ZFHX3: variants seen among roughly 807,000 people sequenced by gnomAD.
ZFHX3 encodes the protein zinc finger homeobox protein 3.
In ZFHX3, 42 loss-of-function variants were observed where a neutral mutation model predicts 279.1. That is an observed-to-expected ratio of 0.15 (90% confidence interval 0.12 to 0.19). The LOEUF (loss-of-function observed/expected upper bound fraction) is 0.19, where lower values mean the gene tolerates loss of function less well. Among genes scored for constraint, ZFHX3 ranks in the 10% least tolerant of loss-of-function variants. The pLI, the probability that ZFHX3 is intolerant of heterozygous loss-of-function variation, is 1.00. For missense variants in ZFHX3, 4,981 were observed against 4,754.0 expected (o/e 1.05, Z -1.40); for synonymous variants, 2,293 against 1,957.8 (o/e 1.17, Z -4.52).
intron 5 of ZFHX3, among the ~76,000 whole-genome samples, chr16:73,200,069 G>A (rs925072299): frequency 6.6e-6 from 1 of 152,202 alleles, no homozygotes; most frequent in East Asian, 1.9e-4. Flanking sequence ...AAAGGAAAAT[G>A]TCAGCATGAT....
chr16:73,663,873 C>T (rs532493396), intron 2 of ZFHX3, among the ~76,000 whole-genome samples: 4 of 152,292 alleles, frequency 2.6e-5, no homozygotes, highest in African/African-American at 9.6e-5. Flanking sequence ...CAATTAACCT[C>T]TATGTTCTGT....
rs531662558 is a variant in ZFHX3, at chr16:72,882,153, C to G, written c.3448+7578G>C. On this transcript the variant is annotated intron_variant, in intron 4 of 9. Coordinates refer to ENST00000268489, the MANE Select transcript of ZFHX3 (RefSeq NM_006885.4). ...TGTCTCTCCTAATTCCAGGAACCAT[C>G]AGCAGGTACCCCTTTTTCCTTTTTT... is the stretch of plus-strand genomic sequence containing the variant. Among the ~76,000 whole-genome samples, 8 of 148,616 alleles carry G rather than the reference C, an allele frequency of 5.4e-5. No individual in the cohort carries two copies. In the South Asian group the frequency reaches 1.1e-3, roughly 20 times the overall value.
At chr16:73,511,676 T>C (rs527545008) in intron 2 of ZFHX3, among the ~76,000 whole-genome samples, 1 of 152,244 alleles carries the variant, frequency 6.6e-6, no homozygotes, top group East Asian at 1.9e-4. Context: ...AGGCCTTCAT[T>C]TCCAACATGG....
intron 5 of ZFHX3, among the ~76,000 whole-genome samples, chr16:73,147,863 T>C (rs1029127717): frequency 1.3e-5 from 2 of 151,934 alleles, no homozygotes; most frequent in Admixed American, 1.3e-4. Context: ...CAGAGCGAGA[T>C]CCTCTCCCAA....
intron 2 of ZFHX3, among the ~76,000 whole-genome samples, chr16:73,521,451 T>C (rs1325270075): frequency 6.6e-6 from 1 of 152,184 alleles, no homozygotes; most frequent in African/African-American, 2.4e-5. Context: ...ATAGTACTGG[T>C]AATCTCTCAC....
At chr16:72,851,233 C>T (rs2037609723) in intron 4 of ZFHX3, among the ~76,000 whole-genome samples, 1 of 152,068 alleles carries the variant, frequency 6.6e-6, no homozygotes, top group African/African-American at 2.4e-5. Flanking sequence ...CAACAGATAC[C>T]AGGAAGAAGA....
intron 8 of ZFHX3, among the ~76,000 whole-genome samples, chr16:73,082,890 A>C (rs916954236): frequency 1.2e-4 from 19 of 152,146 alleles, no homozygotes; most frequent in Non-Finnish European, 4.4e-5. Flanking sequence ...AAAACAAAAC[A>C]AAACAAAACC....
intron 4 of ZFHX3, among the ~76,000 whole-genome samples, chr16:73,261,140 A>T (rs1238968886): frequency 6.6e-6 from 1 of 152,192 alleles, no homozygotes; most frequent in Non-Finnish European, 1.5e-5. Flanking sequence ...TATTAATAGG[A>T]GACTGGTTCT....
chr16:72,958,053 C>G lies in ZFHX3; in HGVS notation c.2093G>C (p.Gly698Ala), dbSNP rs1342065431. The G allele has an allele frequency of 1.9e-6, 3 of 1,613,666 alleles. No individual in the cohort carries two copies. Among genetic ancestry groups the G allele is most frequent in the Middle Eastern group, 1.6e-4 (1 of 6,084 alleles). ...GCTTTTGCAGTAGACACAGGAGCCCCCCGGCTCCGGGTGCTTCTCCTTCAT... is the reference window on the plus strand; with the variant it reads ...GCTTTTGCAGTAGACACAGGAGCCCGCCGGCTCCGGGTGCTTCTCCTTCAT... Reference protein sequence around the residue: ...AHMKEKHPEPGGSCVYCKSGQ... With the variant: ...AHMKEKHPEPAGSCVYCKSGQ... The change falls in exon 2 of 10, where the codon GGG becomes GCG. Residue 698 changes from glycine (G) to alanine (A), a missense_variant. This residue lies in a region of ZFHX3 where 1,068 missense variants were observed against 935.2 expected (regional missense o/e 1.14). Transcript: ENST00000268489.
chr16:72,930,361 A>C (rs1959718086), intron 3 of ZFHX3, among the ~76,000 whole-genome samples: 1 of 152,212 alleles, frequency 6.6e-6, no homozygotes, highest in South Asian at 2.1e-4. Flanking sequence ...TGCACCTAAA[A>C]ATCTTTGCCA....
At chr16:72,997,312 G>T (rs1475604245) in intron 1 of ZFHX3, among the ~76,000 whole-genome samples, 1 of 152,094 alleles carries the variant, frequency 6.6e-6, no homozygotes, top group African/African-American at 2.4e-5. Flanking sequence ...GATTCTGAGG[G>T]TCCAGACGTC....
chr16:73,247,024 G>A (rs896483422), intron 5 of ZFHX3, among the ~76,000 whole-genome samples: 6 of 152,148 alleles, frequency 3.9e-5, no homozygotes, highest in Non-Finnish European at 7.4e-5. Context: ...ATGCGTGTGT[G>A]TATATAATGT....
At chr16:72,966,993 T>C (rs1156394052) in intron 1 of ZFHX3, among the ~76,000 whole-genome samples, 1 of 152,192 alleles carries the variant, frequency 6.6e-6, no homozygotes, top group Non-Finnish European at 1.5e-5. Flanking sequence ...ATTCTTCTCA[T>C]TCCTGGGTGT....
At chr16:73,168,518 A>G (rs1967446202) in intron 5 of ZFHX3, among the ~76,000 whole-genome samples, 1 of 152,048 alleles carries the variant, frequency 6.6e-6, no homozygotes, top group Non-Finnish European at 1.5e-5. Flanking sequence ...AGCCTCCCGT[A>G]GTGCTGGGAT....
intron 4 of ZFHX3, among the ~76,000 whole-genome samples, chr16:73,275,949 C>T (rs1290936239): frequency 6.6e-6 from 1 of 152,052 alleles, no homozygotes; most frequent in Non-Finnish European, 1.5e-5. Context: ...CTTTGCTCCA[C>T]ACCTAACTCG....
At chr16:73,670,540 A>G (rs2052894444) in intron 2 of ZFHX3, among the ~76,000 whole-genome samples, 1 of 152,238 alleles carries the variant, frequency 6.6e-6, no homozygotes, top group Non-Finnish European at 1.5e-5. Context: ...TCCCAAAAGT[A>G]GAAATGTAGC....
chr16:73,426,091 G>A (rs573225745), intron 3 of ZFHX3, among the ~76,000 whole-genome samples: 5 of 152,150 alleles, frequency 3.3e-5, no homozygotes, highest in Non-Finnish European at 5.9e-5. Flanking sequence ...GTACTAACTG[G>A]TGAGTCCCAG....
rs112125776 is a variant in ZFHX3, at chr16:73,307,351, G to C, written c.-1194+10889C>G. Among the ~76,000 whole-genome samples the C allele has an allele frequency of 2.6e-3, 391 of 152,344 alleles. 3 individuals are homozygous for C. Among genetic ancestry groups the C allele is most frequent in the African/African-American group, 8.6e-3 (359 of 41,576 alleles). On this transcript the variant is annotated intron_variant, in intron 4 of 17. Coordinates refer to the ZFHX3 transcript ENST00000641206. ...GGTACAGTGGAGAAGCCAGAAAAAT[G>C]TTGGAGTTAATCACTAAATCAATCT... is the stretch of plus-strand genomic sequence containing the variant.
At chr16:73,220,954 A>C (rs1189917603) in intron 5 of ZFHX3, among the ~76,000 whole-genome samples, 1 of 152,140 alleles carries the variant, frequency 6.6e-6, no homozygotes, top group African/African-American at 2.4e-5. Flanking sequence ...GGTCCAGGGA[A>C]TCTCTGGGCT....
Sources: gnomAD v4.1 joint callset for allele counts (sites outside exome capture counted in the v4.1 genomes callset) on GRCh38, gnomAD v4.1.1 for gene constraint, gnomAD v4.1.1 regional missense constraint, MANE v1.5 for transcripts, NCBI Gene and HGNC (gene_info 2026-07-23, HGNC 2026-07-21) for gene names.